MICAL2: variants seen among roughly 807,000 people sequenced by gnomAD.
MICAL2 encodes the protein [F-actin]-monooxygenase MICAL2.
In MICAL2, 77 loss-of-function variants were observed where a neutral mutation model predicts 127.3. The observed-to-expected ratio is 0.60, with a 90% confidence interval of 0.50 to 0.73. The LOEUF (loss-of-function observed/expected upper bound fraction) is 0.73. Ranked by LOEUF, MICAL2 falls within the 30% of genes least tolerant of loss-of-function variation. The probability of loss-of-function intolerance (pLI) is 0.00; values close to 1 mark genes in which losing one functional copy is unlikely to be tolerated. For missense variants in MICAL2, 1,351 were observed against 1,434.4 expected, an observed-to-expected ratio of 0.94 and a Z score of 0.94; for synonymous variants, 570 against 551.1, an observed-to-expected ratio of 1.03 and a Z score of -0.48.
intron 22 of MICAL2, among the ~76,000 whole-genome samples, chr11:12,251,612 C>T (rs1172892056): frequency 6.8e-6 from 1 of 146,928 alleles, no homozygotes; most frequent in Non-Finnish European, 1.5e-5. Context: ...AAAGGAATGT[C>T]ACCCTCTCGG....
chr11:12,326,098 C>T (rs1262906750), intron 31 of MICAL2, among the ~76,000 whole-genome samples: 5 of 152,126 alleles, frequency 3.3e-5, no homozygotes, highest in African/African-American at 1.2e-4. Context: ...CTGCTTGGGT[C>T]CCTTTCCAGG....
intron 3 of MICAL2, among the ~76,000 whole-genome samples, chr11:12,189,929 G>T (rs1387747706): frequency 6.6e-6 from 1 of 152,262 alleles, no homozygotes; most frequent in African/African-American, 2.4e-5. Flanking sequence ...TTGGCAGGTT[G>T]TGGGCATCTA....
chr11:12,123,906 G>C (rs113697716), intron 1 of MICAL2, among the ~76,000 whole-genome samples: 7,075 of 152,162 alleles, frequency 0.046, 211 homozygotes, highest in South Asian at 0.12. Context: ...TTTATGGTAT[G>C]AGGACAGCAG....
In MICAL2 at chr11:12,189,942, A is replaced by T. The variant is rs1389169926; in HGVS notation, c.265-14308A>T. On this transcript the variant is annotated intron_variant, in intron 3 of 27. Transcript: ENST00000683283. ...CTTTGGCAGGTTGTGGGCATCTATCATACAGTAATCATGGGCAGTCGGGAT... is the reference window on the plus strand; with the variant it reads ...CTTTGGCAGGTTGTGGGCATCTATCTTACAGTAATCATGGGCAGTCGGGAT... 2.0e-5 allele frequency among the ~76,000 whole-genome samples: 3 copies of T among 152,376 alleles called. No individual in the cohort carries two copies. The East Asian group carries it at 5.8e-4, about 29-fold the overall frequency.
chr11:12,231,819 G>GGGGA (rs1858314583), intron 15 of MICAL2, among the ~76,000 whole-genome samples: 1 of 152,222 alleles, frequency 6.6e-6, no homozygotes, highest in Admixed American at 6.5e-5. Context: ...GGGCCCTGGA[G>GGGGA]TATCCCCTCC....
At chr11:12,123,545 A>G (rs1850677858) in intron 1 of MICAL2, among the ~76,000 whole-genome samples, 1 of 152,172 alleles carries the variant, frequency 6.6e-6, no homozygotes, top group Non-Finnish European at 1.5e-5. Context: ...GGCTCCTGAA[A>G]TGTTTTAGAT....
chr11:12,121,747 G>A (rs1850528191), intron 1 of MICAL2: 1 of 152,212 alleles, frequency 6.6e-6, no homozygotes, highest in Non-Finnish European at 1.5e-5. Flanking sequence ...TGTTAAGCTG[G>A]CAGATGGGAG....
chr11:12,187,405 G>C (rs549565485), intron 3 of MICAL2, among the ~76,000 whole-genome samples: 1 of 152,288 alleles, frequency 6.6e-6, no homozygotes, highest in African/African-American at 2.4e-5. Context: ...TGTGGTCCTG[G>C]GTCTCCATCC....
chr11:12,112,663 T>C (rs1414499802), intron 1 of MICAL2, among the ~76,000 whole-genome samples: 4 of 152,098 alleles, frequency 2.6e-5, no homozygotes, highest in Non-Finnish European at 5.9e-5. Context: ...CCCTTCTTCC[T>C]TTAGGCCTAG....
At chr11:12,243,399 CA>C (rs1378324430) in intron 20 of MICAL2, 33 of 153,734 alleles carry the variant, frequency 2.1e-4, no homozygotes, top group African/African-American at 7.5e-4. Context: ...TGAGATCCTA[CA>C]GGTGGGTGTA....
At chr11:12,188,344 C>G (rs1318844310) in intron 3 of MICAL2, among the ~76,000 whole-genome samples, 1 of 152,164 alleles carries the variant, frequency 6.6e-6, no homozygotes, top group Non-Finnish European at 1.5e-5. Context: ...TGTGGCTCAC[C>G]TTATATTTCT....
chr11:12,296,512 AAC>A (rs1863987369), downstream of MICAL2, among the ~76,000 whole-genome samples: 1 of 149,314 alleles, frequency 6.7e-6, no homozygotes, highest in Non-Finnish European at 1.5e-5. Flanking sequence ...TAAAATGCAT[AAC>A]ACATTAAATT....
chr11:12,279,573 G>A (rs1863751201), intron 1 of MICAL2, among the ~76,000 whole-genome samples: 1 of 152,146 alleles, frequency 6.6e-6, no homozygotes, highest in Admixed American at 6.5e-5. Context: ...AACTAGCTTC[G>A]GTAACAAAGG....
intron 24 of MICAL2, 31 bp from the exon 25 acceptor site, chr11:12,258,437 T>A: frequency 6.3e-7 from 1 of 1,584,576 alleles, no homozygotes; most frequent in African/African-American, 1.3e-5. Flanking sequence ...AGGAGAAAAA[T>A]TTTTCTGTAT....
In MICAL2 at chr11:12,199,355, A is replaced by G. The variant is rs2134086704; in HGVS notation, c.265-4895A>G. Among the ~76,000 whole-genome samples, 3 of 152,264 alleles carry G rather than the reference A, an allele frequency of 2.0e-5. 1 individual carries two copies. The Middle Eastern group carries it at 0.01, about 518-fold the overall frequency. On this transcript the variant is annotated intron_variant, in intron 3 of 27. Coordinates refer to ENST00000683283, the MANE Select transcript of MICAL2 (RefSeq NM_001282663.2). Reference sequence around the variant, plus strand: ...CAACTGTCCTTTCTAGGTGAGGTGCAGGGTGGGTAAGCCAGCTGGAGAACG... The same window carrying G: ...CAACTGTCCTTTCTAGGTGAGGTGCGGGGTGGGTAAGCCAGCTGGAGAACG...
chr11:12,191,186 C>T (rs1045726929), intron 3 of MICAL2, among the ~76,000 whole-genome samples: 2 of 152,094 alleles, frequency 1.3e-5, no homozygotes, highest in East Asian at 3.9e-4. Context: ...AAAAGATGGC[C>T]GGGTGCGGTG....
At chr11:12,311,608 G>A (rs1864175539) in intron 29 of MICAL2, among the ~76,000 whole-genome samples, 1 of 152,166 alleles carries the variant, frequency 6.6e-6, no homozygotes, top group South Asian at 2.1e-4. Context: ...CACCGTGTTA[G>A]CCAGGCTGGT....
chr11:12,315,223 ACTT>A (rs1864219251), intron 29 of MICAL2, among the ~76,000 whole-genome samples: 1 of 152,108 alleles, frequency 6.6e-6, no homozygotes, highest in Non-Finnish European at 1.5e-5. Context: ...TCTTATTTTT[ACTT>A]CTTTGAAATT....
downstream of MICAL2, among the ~76,000 whole-genome samples, chr11:12,265,157 C>T (rs113333443): frequency 5.0e-4 from 76 of 152,316 alleles, no homozygotes; most frequent in African/African-American, 1.8e-3. Flanking sequence ...AGTCCTCCCC[C>T]GTCCTGGAGA....
Sources: gnomAD v4.1 joint callset for allele counts (sites outside exome capture counted in the v4.1 genomes callset) on GRCh38, gnomAD v4.1.1 for gene constraint, MANE v1.5 for transcripts, NCBI Gene and HGNC (gene_info 2026-07-23, HGNC 2026-07-21) for gene names.